Variants in TLE4 observed in about 807,000 individuals in gnomAD.
The protein encoded by TLE4 is transducin-like enhancer protein 4.
A neutral mutation model predicts 92.8 loss-of-function variants in TLE4; 8 were observed. The observed-to-expected ratio is 0.09, with a 90% confidence interval of 0.05 to 0.16. The LOEUF (loss-of-function observed/expected upper bound fraction) is 0.16. TLE4 is among the 10% of genes least tolerant of loss of function. TLE4 has a pLI of 1.00. For missense variants in TLE4, 675 were observed against 997.6 expected, an observed-to-expected ratio of 0.68 and a Z score of 4.36; for synonymous variants, 371 against 374.1, an observed-to-expected ratio of 0.99 and a Z score of 0.10.
At chr9:79,578,643 A>G (rs983174637) in intron 4 of TLE4, among the ~76,000 whole-genome samples, 4 of 152,172 alleles carry the variant, frequency 2.6e-5, no homozygotes, top group Non-Finnish European at 4.4e-5. Context: ...AATGAAACCT[A>G]TGGGGAATTT....
intron 6 of TLE4, among the ~76,000 whole-genome samples, chr9:79,652,359 T>C (rs1041039157): frequency 7.2e-5 from 11 of 152,120 alleles, no homozygotes; most frequent in Non-Finnish European, 1.3e-4. Context: ...GCTAATGTTT[T>C]TGTATTTTTA....
intron 4 of TLE4, among the ~76,000 whole-genome samples, chr9:79,606,160 T>G (rs532650255): frequency 6.7e-6 from 1 of 150,084 alleles, no homozygotes; most frequent in East Asian, 2.0e-4. Flanking sequence ...CAACTTTGTT[T>G]TATTGCTTTA....
At chr9:79,572,973 C>T (rs1322368418) in intron 1 of TLE4, 138 bp downstream of exon 1, 11 of 911,854 alleles carry the variant, frequency 1.2e-5, no homozygotes, top group Non-Finnish European at 1.3e-5. Flanking sequence ...CGGGAGCAGC[C>T]CGCCCGCCAT....
At chr9:79,700,608 G>A (rs984738109) in intron 8 of TLE4, among the ~76,000 whole-genome samples, 7 of 152,016 alleles carry the variant, frequency 4.6e-5, no homozygotes, top group African/African-American at 7.2e-5. Context: ...AAGCAATTGG[G>A]GTTTCCATGT....
intron 8 of TLE4, among the ~76,000 whole-genome samples, chr9:79,694,503 T>C (rs1325994552): frequency 6.6e-6 from 1 of 152,172 alleles, no homozygotes; most frequent in Non-Finnish European, 1.5e-5. Flanking sequence ...CTCGAAATCG[T>C]TTCTGTAGAA....
At chr9:79,601,522 A>G (rs138109656) in intron 4 of TLE4, 473 of 452,848 alleles carry the variant, frequency 1.0e-3, no homozygotes, top group Middle Eastern at 4.7e-3. Context: ...AACTCTCACA[A>G]TGTTTCAAAC....
chr9:79,622,533 T>G (rs1227921276), intron 5 of TLE4, among the ~76,000 whole-genome samples: 1 of 152,208 alleles, frequency 6.6e-6, no homozygotes, highest in Non-Finnish European at 1.5e-5. Flanking sequence ...GATATTTCCC[T>G]GATAAATGAT....
In TLE4 at chr9:79,721,664, A is replaced by G. The variant is rs2075665714; in HGVS notation, c.1839-77A>G. ...CAAATAAGGCCTGCATTGAAATTGAATCATCAAGGAATTCTAAATTGATTT... is the reference window on the plus strand; with the variant it reads ...CAAATAAGGCCTGCATTGAAATTGAGTCATCAAGGAATTCTAAATTGATTT... On this transcript the variant is annotated intron_variant, in intron 16 of 19. Coordinates refer to ENST00000376552, the MANE Select transcript of TLE4 (RefSeq NM_007005.6). The G allele has an allele frequency of 8.2e-6, 13 of 1,587,762 alleles. No individual in the cohort carries two copies. In the South Asian group the frequency reaches 1.4e-4, roughly 17 times the overall value.
At chr9:79,578,445 G>A (rs1307320988) in intron 4 of TLE4, among the ~76,000 whole-genome samples, 1 of 152,166 alleles carries the variant, frequency 6.6e-6, no homozygotes, top group African/African-American at 2.4e-5. Flanking sequence ...TATTTTTAGA[G>A]AAATTTTTCA....
At chr9:79,634,691 T>C (rs2055236202) in intron 6 of TLE4, among the ~76,000 whole-genome samples, 1 of 152,164 alleles carries the variant, frequency 6.6e-6, no homozygotes, top group Non-Finnish European at 1.5e-5. Context: ...ATTGAAAATG[T>C]GTCTTCTTCC....
At chr9:79,579,886 A>G (rs2039132867) in intron 4 of TLE4, among the ~76,000 whole-genome samples, 1 of 152,084 alleles carries the variant, frequency 6.6e-6, no homozygotes, top group Admixed American at 6.5e-5. Flanking sequence ...GACATTAGGA[A>G]CCTTTTAGCA....
chr9:79,592,134 CTTTCTTCTTT>C (rs1310450309), intron 4 of TLE4, among the ~76,000 whole-genome samples: 2 of 147,900 alleles, frequency 1.4e-5, no homozygotes, highest in Non-Finnish European at 3.0e-5. Context: ...CTTTCTTCTT[CTTTCTTCTTT>C]CTTCTTTCTT....
chr9:79,584,186 T>C (rs541559818), intron 4 of TLE4, among the ~76,000 whole-genome samples: 1 of 152,356 alleles, frequency 6.6e-6, no homozygotes, highest in Admixed American at 6.5e-5. Context: ...AATAACATGC[T>C]TGTTTCTATG....
At chr9:79,646,081 A>G (rs2058059667) in intron 6 of TLE4, among the ~76,000 whole-genome samples, 2 of 150,744 alleles carry the variant, frequency 1.3e-5, no homozygotes, top group Non-Finnish European at 1.5e-5. Flanking sequence ...CTATATATAT[A>G]TATATTTTTT....
chr9:79,680,104 T>C (rs1405993632), intron 8 of TLE4, among the ~76,000 whole-genome samples: 1 of 152,212 alleles, frequency 6.6e-6, no homozygotes, highest in Non-Finnish European at 1.5e-5. Flanking sequence ...ATGCAGGCTC[T>C]TTTTTGGTTC....
chr9:79,584,883 G>A (rs951912268), intron 4 of TLE4, among the ~76,000 whole-genome samples: 13 of 152,152 alleles, frequency 8.5e-5, no homozygotes, highest in African/African-American at 3.1e-4. Context: ...TTTTAAAGAT[G>A]AAAACATGAA....
At chr9:79,579,592 C>T (rs747098664) in intron 4 of TLE4, among the ~76,000 whole-genome samples, 2 of 151,994 alleles carry the variant, frequency 1.3e-5, no homozygotes, top group African/African-American at 4.8e-5. Flanking sequence ...AAATCTAAAA[C>T]GCATAGAATC....
chr9:79,689,386 C>G (rs1417192965), intron 8 of TLE4, among the ~76,000 whole-genome samples: 4 of 151,356 alleles, frequency 2.6e-5, no homozygotes, highest in Admixed American at 6.6e-5. Context: ...TTCAAATAAG[C>G]AATTATTGTA....
chr9:79,584,613 A>T (rs2040600057), intron 4 of TLE4, among the ~76,000 whole-genome samples: 1 of 152,176 alleles, frequency 6.6e-6, no homozygotes, highest in South Asian at 2.1e-4. Context: ...GTGCGCAATA[A>T]AATATTTGGT....
Sources: allele counts gnomAD v4.1 joint callset (sites outside exome capture counted in the v4.1 genomes callset), GRCh38; gene constraint gnomAD v4.1.1; transcripts MANE v1.5; gene names NCBI Gene and HGNC (gene_info 2026-07-23, HGNC 2026-07-21).